FAM184A: variants seen among roughly 807,000 people sequenced by gnomAD.
FAM184A encodes the protein family with sequence similarity 184 member A.
A neutral mutation model predicts 143.8 loss-of-function variants in FAM184A; 99 were observed. That is an observed-to-expected ratio of 0.69 (90% confidence interval 0.58 to 0.81). The LOEUF (loss-of-function observed/expected upper bound fraction) is 0.81, where lower values mean the gene tolerates loss of function less well. Ranked by LOEUF, FAM184A falls within the 40% of genes least tolerant of loss-of-function variation. FAM184A has a pLI of 0.00. For synonymous variants in FAM184A, 427 were observed against 446.4 expected, an observed-to-expected ratio of 0.96 and a Z score of 0.55; for missense variants, 1,217 against 1,310.5, an observed-to-expected ratio of 0.93 and a Z score of 1.10.
chr6:119,083,258 C>T (rs1327404604), upstream of FAM184A, among the ~76,000 whole-genome samples: 2 of 152,228 alleles, frequency 1.3e-5, no homozygotes, highest in Admixed American at 6.5e-5. Context: ...TGGGAGGGGC[C>T]ACCAGGAAGA....
intron 12 of FAM184A, 32 bp from the exon 13 acceptor site, chr6:118,975,240 T>C: frequency 7.1e-7 from 1 of 1,410,438 alleles, no homozygotes; most frequent in Non-Finnish European, 9.6e-7. Flanking sequence ...TTTTAGAAGT[T>C]TTCTACATAT....
At position 119,005,171 on chromosome 6, in the gene FAM184A, C is replaced by T. The variant is rs144982613; in HGVS notation, c.1815+1276G>A. On this transcript the variant is annotated intron_variant, in intron 7 of 17. Coordinates refer to ENST00000338891, the MANE Select transcript of FAM184A (RefSeq NM_024581.6). ...ATTATAGTCAATATATTTGGCATCACAGAAACTAAATATATCAAGTTGTAT... is the reference window on the plus strand; with the variant it reads ...ATTATAGTCAATATATTTGGCATCATAGAAACTAAATATATCAAGTTGTAT... 1.5e-3 allele frequency: 222 copies of T among 152,066 alleles called. 1 individual carries two copies. The highest frequency in any genetic ancestry group is 5.2e-3 in the African/African-American group (217 of 41,464). 9.4% of individuals were successfully genotyped at this position (152,066 alleles called of 1,614,324 possible). A position where few individuals can be genotyped will look rare whatever the true frequency, so the allele number is the denominator to read the frequency against.
At chr6:119,083,326 C>T (rs959491797), upstream of FAM184A, among the ~76,000 whole-genome samples, 15 of 152,244 alleles carry the variant, frequency 9.9e-5, no homozygotes, top group Non-Finnish European at 1.6e-4. Context: ...TATTCCTCTT[C>T]TTGTTACTTA....
At chr6:119,075,234 G>A (rs1787830373) in intron 1 of FAM184A, among the ~76,000 whole-genome samples, 1 of 152,142 alleles carries the variant, frequency 6.6e-6, no homozygotes, top group Admixed American at 6.5e-5. Context: ...CATTTTTAAA[G>A]AGTTTAGCAG....
At chr6:118,993,655 A>G (rs1324988524) in intron 9 of FAM184A, among the ~76,000 whole-genome samples, 3 of 152,206 alleles carry the variant, frequency 2.0e-5, no homozygotes, top group Non-Finnish European at 4.4e-5. Flanking sequence ...GCTACTCTCT[A>G]AATTAATTCT....
intron 1 of FAM184A, among the ~76,000 whole-genome samples, chr6:119,096,508 C>T (rs1429524305): frequency 3.5e-5 from 3 of 85,322 alleles, no homozygotes; most frequent in African/African-American, 1.3e-4. Context: ...CGGTGGCGGG[C>T]GCCTGTAGTC....
At chr6:119,017,654 A>G (rs886638424) in intron 4 of FAM184A, among the ~76,000 whole-genome samples, 1 of 152,228 alleles carries the variant, frequency 6.6e-6, no homozygotes. Flanking sequence ...AAAAAAATAC[A>G]AAGACTATGG....
chr6:119,080,570 T>C (rs1788033714), upstream of FAM184A, among the ~76,000 whole-genome samples: 1 of 152,208 alleles, frequency 6.6e-6, no homozygotes, highest in African/African-American at 2.4e-5. Context: ...AATATACAGG[T>C]CGAGTATCCT....
At chr6:119,074,585 A>C (rs1036901060) in intron 1 of FAM184A, among the ~76,000 whole-genome samples, 1 of 152,086 alleles carries the variant, frequency 6.6e-6, no homozygotes, top group African/African-American at 2.4e-5. Flanking sequence ...AAAGGGAAAA[A>C]AAGTAATTTG....
intron 1 of FAM184A, chr6:119,069,084 C>T: frequency 2.8e-6 from 1 of 360,614 alleles, no homozygotes; most frequent in Non-Finnish European, 6.1e-6. Flanking sequence ...GAGGTTCTTG[C>T]CATTGAAAAT....
chr6:118,991,229 C>T (rs1784367998), intron 9 of FAM184A, among the ~76,000 whole-genome samples: 1 of 150,860 alleles, frequency 6.6e-6, no homozygotes, highest in Non-Finnish European at 1.5e-5. Context: ...ATGGCACGAT[C>T]TCGGCGCACT....
At chr6:119,039,761 C>T (rs113584940) in intron 1 of FAM184A, among the ~76,000 whole-genome samples, 21 of 152,274 alleles carry the variant, frequency 1.4e-4, no homozygotes, top group African/African-American at 5.1e-4. Context: ...AATGATAATT[C>T]AGCAGCACCA....
At chr6:119,060,533 G>C (rs1787190582) in intron 1 of FAM184A, among the ~76,000 whole-genome samples, 1 of 152,204 alleles carries the variant, frequency 6.6e-6, no homozygotes, top group Non-Finnish European at 1.5e-5. Flanking sequence ...TTGAAAAAGG[G>C]AGAAGTGAAA....
chr6:119,008,244 G>A (rs367560326), intron 6 of FAM184A, among the ~76,000 whole-genome samples: 59 of 152,246 alleles, frequency 3.9e-4, no homozygotes, highest in East Asian at 3.5e-3. Flanking sequence ...CTTAGTAAGC[G>A]CTCAACTTAA....
Position 119,135,008 on chromosome 6 carries a change from G to A in FAM184A, c.-202+14070C>T, listed in dbSNP as rs111760754. On this transcript the variant is annotated intron_variant, in intron 1 of 16. Transcript: ENST00000352896. ...CTTTTGATCCAGCAATTCCCTCCTA[G>A]TACGTTCCTTAAAAATACTTTCGTA... 9.7e-3 allele frequency among the ~76,000 whole-genome samples: 1,471 copies of A among 152,274 alleles called. 31 individuals carry two copies. The highest frequency in any genetic ancestry group is 0.034 in the African/African-American group (1,430 of 41,542).
intron 1 of FAM184A, among the ~76,000 whole-genome samples, chr6:119,127,759 G>A (rs932933106): frequency 2.0e-5 from 3 of 152,196 alleles, no homozygotes; most frequent in African/African-American, 7.2e-5. Flanking sequence ...GGAGTGGGGA[G>A]AGAAAGGTTG....
intron 1 of FAM184A, among the ~76,000 whole-genome samples, chr6:119,143,571 G>A (rs998153062): frequency 1.3e-5 from 2 of 152,228 alleles, no homozygotes; most frequent in Non-Finnish European, 2.9e-5. Flanking sequence ...GTATCCCACA[G>A]CAGATGAATG....
intron 9 of FAM184A, among the ~76,000 whole-genome samples, 160 bp from the exon 10 acceptor site, chr6:118,980,510 A>G (rs1392864835): frequency 6.6e-6 from 1 of 152,234 alleles, no homozygotes; most frequent in Non-Finnish European, 1.5e-5. Flanking sequence ...AAAAATAACC[A>G]TTTAATATCA....
At chr6:119,127,421 G>A (rs1179276304) in intron 1 of FAM184A, among the ~76,000 whole-genome samples, 1 of 152,206 alleles carries the variant, frequency 6.6e-6, no homozygotes, top group African/African-American at 2.4e-5. Flanking sequence ...GGGGAAAAGA[G>A]TAGCTAGGAC....
Sources: gnomAD v4.1 joint callset for allele counts (sites outside exome capture counted in the v4.1 genomes callset) on GRCh38, gnomAD v4.1.1 for gene constraint, MANE v1.5 for transcripts, NCBI Gene and HGNC (gene_info 2026-07-23, HGNC 2026-07-21) for gene names.